Variants in NEDD4L observed in about 807,000 individuals in gnomAD.
NEDD4L encodes the protein NEDD4 like E3 ubiquitin protein ligase.
In NEDD4L, 54 loss-of-function variants were observed where a neutral mutation model predicts 148.9. The observed-to-expected ratio is 0.36, with a 90% CI of 0.29 to 0.45. NEDD4L has a LOEUF of 0.45. NEDD4L is among the 20% of genes least tolerant of loss of function. NEDD4L has a pLI of 1.00. For missense variants in NEDD4L, 856 were observed against 1,233.8 expected, an observed-to-expected ratio of 0.69 and a Z score of 4.59; for synonymous variants, 433 against 440.7, an observed-to-expected ratio of 0.98 and a Z score of 0.22.
intron 2 of NEDD4L, among the ~76,000 whole-genome samples, chr18:58,182,908 G>T (rs1283961959): frequency 2.6e-5 from 4 of 152,176 alleles, no homozygotes; most frequent in African/African-American, 9.6e-5. Context: ...TGCAGAGGAA[G>T]GTACCTTGAA....
At chr18:58,213,703 G>A (rs182650481) in intron 2 of NEDD4L, among the ~76,000 whole-genome samples, 1 of 151,990 alleles carries the variant, frequency 6.6e-6, no homozygotes, top group Non-Finnish European at 1.5e-5. Context: ...TGTGGTTTGA[G>A]GTTAAACATG....
At chr18:58,247,104 A>G (rs971255425) in intron 3 of NEDD4L, among the ~76,000 whole-genome samples, 1 of 152,174 alleles carries the variant, frequency 6.6e-6, no homozygotes, top group Non-Finnish European at 1.5e-5. Flanking sequence ...ATGGGTTACT[A>G]TGATTTTTTT....
chr18:58,330,934 G>A lies in NEDD4L; in HGVS notation c.990+20G>A. On this transcript the variant is annotated intron_variant, in intron 11 of 30. Transcript: ENST00000400345. ...TTGATTGTAAGTAGTGGCCTTGTTT[G>A]AAAGAAAAGCTGAGCAATGTTTTAT... The A allele has an allele frequency of 6.2e-7, 1 of 1,609,942 alleles. No individual in the cohort carries two copies. The highest frequency in any genetic ancestry group is 8.5e-7 in the Non-Finnish European group (1 of 1,177,094).
At chr18:58,186,667 G>C (rs748455184) in intron 2 of NEDD4L, among the ~76,000 whole-genome samples, 35 of 152,222 alleles carry the variant, frequency 2.3e-4, no homozygotes, top group Non-Finnish European at 4.7e-4. Context: ...TTCCAGATGA[G>C]AAAAATGGAG....
At chr18:58,177,310 G>C (rs544849998) in intron 2 of NEDD4L, among the ~76,000 whole-genome samples, 1 of 152,232 alleles carries the variant, frequency 6.6e-6, no homozygotes, top group African/African-American at 2.4e-5. Context: ...GTATGAGGAA[G>C]GGAAGGTTGC....
chr18:58,390,589 G>A (rs1210209997), intron 28 of NEDD4L, 57 bp from the exon 29 acceptor site: 6 of 1,058,654 alleles, frequency 5.7e-6, no homozygotes, highest in African/African-American at 4.7e-5. Flanking sequence ...CTGCATGACA[G>A]CAGCATGTGC....
chr18:58,339,353 T>C (rs772316546), intron 13 of NEDD4L, among the ~76,000 whole-genome samples: 3 of 152,174 alleles, frequency 2.0e-5, no homozygotes, highest in African/African-American at 4.8e-5. Context: ...GGGGAGTCCA[T>C]TGAAGTGCCC....
chr18:58,149,550 A>T (rs1440173684), intron 1 of NEDD4L: 5 of 1,548,540 alleles, frequency 3.2e-6, no homozygotes, highest in African/African-American at 2.7e-5. Flanking sequence ...GACGTCTCGC[A>T]TTTGAGCAGG....
chr18:58,255,243 G>A (rs1490800899), intron 5 of NEDD4L, among the ~76,000 whole-genome samples: 2 of 151,906 alleles, frequency 1.3e-5, no homozygotes, highest in African/African-American at 4.8e-5. Context: ...CTGTGAGAGC[G>A]CCCTGCTGGG....
chr18:58,079,581 G>C (rs1172361813), intron 1 of NEDD4L, among the ~76,000 whole-genome samples: 1 of 152,214 alleles, frequency 6.6e-6, no homozygotes, highest in African/African-American at 2.4e-5. Flanking sequence ...AGACCTCGAT[G>C]GGATGCAGGC....
chr18:58,278,084 C>G (rs2052420235), intron 5 of NEDD4L, among the ~76,000 whole-genome samples: 1 of 152,068 alleles, frequency 6.6e-6, no homozygotes, highest in Non-Finnish European at 1.5e-5. Flanking sequence ...ATCCAAGATT[C>G]CTTCTTTTTT....
chr18:58,082,102 A>ATATATTTTTTTTTTTTTTTTTTT, intron 1 of NEDD4L, among the ~76,000 whole-genome samples: 3 of 48,832 alleles, frequency 6.1e-5, no homozygotes, highest in Admixed American at 3.3e-4. Context: ...ATATATATAT[A>ATATATTTTTTTTTTTTTTTTTTT]TTTTTTTTTT....
At chr18:58,151,242 G>A (rs537498169) in intron 1 of NEDD4L, among the ~76,000 whole-genome samples, 3 of 152,268 alleles carry the variant, frequency 2.0e-5, no homozygotes, top group South Asian at 2.1e-4. Flanking sequence ...TGCCACAGAC[G>A]GACCATGCAT....
intron 19 of NEDD4L, among the ~76,000 whole-genome samples, chr18:58,358,892 C>G (rs1191113251): frequency 6.6e-6 from 1 of 151,628 alleles, no homozygotes; most frequent in Non-Finnish European, 1.5e-5. Context: ...TTATTGATTT[C>G]TAATTTTATT....
At chr18:58,297,183 C>T (rs1488370556) in intron 5 of NEDD4L, among the ~76,000 whole-genome samples, 1 of 152,222 alleles carries the variant, frequency 6.6e-6, no homozygotes, top group Admixed American at 6.5e-5. Flanking sequence ...TTAATCACAT[C>T]TGCAAAGGCA....
intron 1 of NEDD4L, among the ~76,000 whole-genome samples, chr18:58,098,871 G>A (rs1203197603): frequency 6.6e-6 from 1 of 152,122 alleles, no homozygotes. Flanking sequence ...TTCCCAATGT[G>A]TTAAAGAAGG....
chr18:58,255,452 C>T, intron 5 of NEDD4L: 1 of 1,197,328 alleles, frequency 8.4e-7, no homozygotes, highest in Non-Finnish European at 1.0e-6. Context: ...TTGCTCTTAT[C>T]CAATCATGCC....
At chr18:58,305,221 TATCAGTTTGCTG>T (rs2056928104) in intron 5 of NEDD4L, among the ~76,000 whole-genome samples, 1 of 152,242 alleles carries the variant, frequency 6.6e-6, no homozygotes, top group Admixed American at 6.5e-5. Flanking sequence ...TGCAATTTAG[TATCAGTTTGCTG>T]ATCAGTGTCA....
At chr18:58,139,485 A>G (rs2033248298) in intron 1 of NEDD4L, among the ~76,000 whole-genome samples, 1 of 152,226 alleles carries the variant, frequency 6.6e-6, no homozygotes, top group African/African-American at 2.4e-5. Context: ...TCCTATCAAC[A>G]TTCTATCAAC....
Sources: gnomAD v4.1 joint callset for allele counts (sites outside exome capture counted in the v4.1 genomes callset) on GRCh38, gnomAD v4.1.1 for gene constraint, MANE v1.5 for transcripts, NCBI Gene and HGNC (gene_info 2026-07-23, HGNC 2026-07-21) for gene names.